DLGAP2: variants seen among roughly 807,000 people sequenced by gnomAD.
The protein encoded by DLGAP2 is disks large-associated protein 2.
DLGAP2 carries 26 observed loss-of-function variants against 100.3 expected under a neutral mutation model. That is an observed-to-expected ratio of 0.26 (90% CI 0.19 to 0.36). DLGAP2 has a LOEUF of 0.36. Ranked by LOEUF, DLGAP2 falls within the 10% of genes least tolerant of loss-of-function variation. The pLI, the probability that DLGAP2 is intolerant of heterozygous loss-of-function variation, is 1.00. For synonymous variants in DLGAP2, 886 were observed against 630.1 expected, an observed-to-expected ratio of 1.41 and a Z score of -6.08; for missense variants, 1,858 against 1,453.2, an observed-to-expected ratio of 1.28 and a Z score of -4.53.
chr8:1,414,650 C>A lies in DLGAP2; in HGVS notation c.107-86716C>A, dbSNP rs1456428719. Reference sequence around the variant, plus strand: ...GTCTCTGAGGATCCCGCCATCTACGCACGTCCAGGCGTCCTCTGCCCTCAG... The same window carrying A: ...GTCTCTGAGGATCCCGCCATCTACGAACGTCCAGGCGTCCTCTGCCCTCAG... On this transcript the variant is annotated intron_variant, in intron 3 of 14. Coordinates refer to ENST00000637795, the MANE Select transcript of DLGAP2 (RefSeq NM_001346810.2). 4.6e-5 allele frequency among the ~76,000 whole-genome samples: 7 copies of A among 151,974 alleles called. No homozygotes were observed. The East Asian group carries it at 1.4e-3, about 30-fold the overall frequency.
At chr8:1,611,589 GA>G (rs1796992920) in intron 6 of DLGAP2, among the ~76,000 whole-genome samples, 1 of 31,156 alleles carries the variant, frequency 3.2e-5, no homozygotes, top group Non-Finnish European at 5.2e-5. Context: ...AGGAAAAGAG[GA>G]AGTCAAATTG....
In DLGAP2 at chr8:1,005,604, G is replaced by A. The variant is rs114266970; in HGVS notation, c.73+97638G>A. Among the ~76,000 whole-genome samples, 731 of 146,808 alleles carry A rather than the reference G, an allele frequency of 5.0e-3. 6 individuals carry two copies. The highest frequency in any genetic ancestry group is 0.017 in the African/African-American group (693 of 40,136). On this transcript the variant is annotated intron_variant, in intron 2 of 14. Transcript: ENST00000637795. ...AGCTAATTTTTTTTTTTTTTTGGTAGAGATGAAGTTTCAATTTGTTGCCTA... is the reference window on the plus strand; with the variant it reads ...AGCTAATTTTTTTTTTTTTTTGGTAAAGATGAAGTTTCAATTTGTTGCCTA...
At chr8:1,415,195 T>C (rs1042387615) in intron 3 of DLGAP2, among the ~76,000 whole-genome samples, 2 of 152,238 alleles carry the variant, frequency 1.3e-5, no homozygotes, top group Non-Finnish European at 2.9e-5. Flanking sequence ...TGTCTATCTT[T>C]AATCTGTGAA....
At chr8:752,564 C>T (rs962747534) in intron 1 of DLGAP2, among the ~76,000 whole-genome samples, 7 of 152,164 alleles carry the variant, frequency 4.6e-5, no homozygotes, top group African/African-American at 1.7e-4. Context: ...GGTGTGGAGT[C>T]AGAAGGAGGG....
At chr8:1,589,584 G>C (rs991612956) in intron 6 of DLGAP2, among the ~76,000 whole-genome samples, 9 of 152,142 alleles carry the variant, frequency 5.9e-5, no homozygotes, top group African/African-American at 1.9e-4. Context: ...ACAGGCTTGC[G>C]CCACCATGCC....
intron 4 of DLGAP2, among the ~76,000 whole-genome samples, chr8:1,522,447 A>T (rs1800638684): frequency 6.6e-6 from 1 of 152,168 alleles, no homozygotes; most frequent in Admixed American, 6.5e-5. Flanking sequence ...AGAGCACGGG[A>T]TCCACAGTGC....
chr8:1,041,990 G>C (rs937263804), intron 2 of DLGAP2, among the ~76,000 whole-genome samples: 2 of 152,220 alleles, frequency 1.3e-5, no homozygotes, highest in Non-Finnish European at 2.9e-5. Context: ...TTCTGGCTCG[G>C]CTGTCGAGGT....
At chr8:1,598,512 T>C (rs1796528247) in intron 6 of DLGAP2, among the ~76,000 whole-genome samples, 1 of 152,236 alleles carries the variant, frequency 6.6e-6, no homozygotes, top group African/African-American at 2.4e-5. Context: ...TTTTTGTTGG[T>C]AGGCTATTAA....
At chr8:1,474,769 A>G (rs1395268685) in intron 3 of DLGAP2, among the ~76,000 whole-genome samples, 1 of 152,240 alleles carries the variant, frequency 6.6e-6, no homozygotes. Context: ...GGGAATGCTT[A>G]TACACTGCCA....
intron 3 of DLGAP2, among the ~76,000 whole-genome samples, chr8:1,285,168 G>T (rs1461593816): frequency 6.6e-6 from 1 of 152,142 alleles, no homozygotes; most frequent in Admixed American, 6.6e-5. Flanking sequence ...GTATTTTTCT[G>T]AGTGTTCTGT....
chr8:836,915 C>G (rs1360840609), intron 1 of DLGAP2, among the ~76,000 whole-genome samples: 1 of 152,232 alleles, frequency 6.6e-6, no homozygotes, highest in Non-Finnish European at 1.5e-5. Context: ...TGCCAGCGCA[C>G]ATGCACACAC....
intron 3 of DLGAP2, among the ~76,000 whole-genome samples, chr8:1,447,719 A>G (rs1356198305): frequency 1.3e-5 from 2 of 152,104 alleles, no homozygotes; most frequent in African/African-American, 4.8e-5. Context: ...TTGGTCCTGG[A>G]CTTTTTTTGG....
At chr8:1,453,796 A>G (rs531984631) in intron 3 of DLGAP2, among the ~76,000 whole-genome samples, 5 of 152,360 alleles carry the variant, frequency 3.3e-5, no homozygotes, top group South Asian at 2.1e-4. Context: ...CTCCCAACCC[A>G]TAAGGCATCA....
rs557365236 is a variant in DLGAP2, at chr8:1,098,276, G to A, written c.74-160575G>A. 5.3e-4 allele frequency among the ~76,000 whole-genome samples: 80 copies of A among 152,330 alleles called. 1 individual carries two copies. In the South Asian group the frequency reaches 0.011, roughly 22 times the overall value. On this transcript the variant is annotated intron_variant, in intron 2 of 14. Coordinates refer to ENST00000637795, the MANE Select transcript of DLGAP2 (RefSeq NM_001346810.2). ...TGTTTACAATTTGGAAACTAACTTG[G>A]AAGTGAATCGTTTTGGATGCAAAAT...
intron 2 of DLGAP2, among the ~76,000 whole-genome samples, chr8:1,199,359 C>G (rs569571956): frequency 4.3e-4 from 65 of 152,278 alleles, no homozygotes; most frequent in African/African-American, 1.5e-3. Flanking sequence ...GTAGCAGTTT[C>G]TTTTTTGCAT....
intron 2 of DLGAP2, among the ~76,000 whole-genome samples, chr8:1,251,246 A>G (rs1347555486): frequency 6.6e-6 from 1 of 152,230 alleles, no homozygotes; most frequent in East Asian, 1.9e-4. Context: ...TGGTGTTATT[A>G]GAATATTATC....
At chr8:1,326,229 A>G (rs1474680064) in intron 3 of DLGAP2, among the ~76,000 whole-genome samples, 1 of 152,262 alleles carries the variant, frequency 6.6e-6, no homozygotes, top group African/African-American at 2.4e-5. Flanking sequence ...GCAGTTTTAA[A>G]TAAAAATAAA....
chr8:1,069,181 C>T (rs1365192346), intron 2 of DLGAP2, among the ~76,000 whole-genome samples: 2 of 152,142 alleles, frequency 1.3e-5, no homozygotes, highest in African/African-American at 2.4e-5. Flanking sequence ...ACGAATTGGG[C>T]CCCAAATTGT....
intron 2 of DLGAP2, among the ~76,000 whole-genome samples, chr8:1,004,262 A>G (rs1801043362): frequency 1.3e-5 from 2 of 152,152 alleles, no homozygotes; most frequent in South Asian, 4.1e-4. Flanking sequence ...GACCACACAT[A>G]TTTATGTTGC....
Sources: gnomAD v4.1 joint callset for allele counts (sites outside exome capture counted in the v4.1 genomes callset) on GRCh38, gnomAD v4.1.1 for gene constraint, MANE v1.5 for transcripts, NCBI Gene and HGNC (gene_info 2026-07-23, HGNC 2026-07-21) for gene names.